Variants in ABCC1 observed in about 807,000 individuals in gnomAD.
The protein encoded by ABCC1 is ATP binding cassette subfamily C member 1 (ABCC1 blood group).
ABCC1 carries 83 observed loss-of-function variants against 172.9 expected under a neutral mutation model. The ratio of observed to expected loss-of-function variants is 0.48; its 90% CI spans 0.40 to 0.58. The LOEUF is 0.58. ABCC1 is among the 20% of genes least tolerant of loss of function. The pLI is 0.00. For synonymous variants in ABCC1, 937 were observed against 825.2 expected, an observed-to-expected ratio of 1.14 and a Z score of -2.32; for missense variants, 1,817 against 2,002.7, an observed-to-expected ratio of 0.91 and a Z score of 1.77.
At chr16:16,088,973 T>C (rs2051128138) in intron 18 of ABCC1, among the ~76,000 whole-genome samples, 1 of 152,198 alleles carries the variant, frequency 6.6e-6, no homozygotes, top group Admixed American at 6.5e-5. Flanking sequence ...CCTCCCAAAG[T>C]GCTGGGATTA....
At position 16,044,545 on chromosome 16, in the gene ABCC1, T is replaced by C. The variant is rs2049120340; in HGVS notation, c.905T>C (p.Val302Ala). The C allele has an allele frequency of 6.2e-7, 1 of 1,614,038 alleles. No individual in the cohort carries two copies. The highest frequency in any genetic ancestry group is 2.2e-5 in the East Asian group (1 of 44,888). ...AATGAGGAGGTGGAGGCTTTGATCGTCAAGTCCCCACAGAAGGAGTGGAAC... is the reference window on the plus strand; with the variant it reads ...AATGAGGAGGTGGAGGCTTTGATCGCCAAGTCCCCACAGAAGGAGTGGAAC... ...DANEEVEALI[V>A]KSPQKEWNPS... Residue 302 changes from valine (V) to alanine (A), a missense_variant, in exon 8 of 31, where the codon GTC becomes GCC. Physicochemically the swap from Val to Ala is moderately conservative, Grantham distance 64. Coordinates refer to ENST00000399410, the MANE Select transcript of ABCC1 (RefSeq NM_004996.4).
intron 1 of ABCC1, among the ~76,000 whole-genome samples, chr16:15,994,868 A>G (rs561546678): frequency 5.9e-5 from 9 of 151,512 alleles, no homozygotes; most frequent in African/African-American, 1.9e-4. Flanking sequence ...GGTTCAAGCA[A>G]TTCTCCTGCC....
At chr16:15,995,183 A>G (rs769700810) in intron 1 of ABCC1, among the ~76,000 whole-genome samples, 25 of 152,040 alleles carry the variant, frequency 1.6e-4, no homozygotes, top group Non-Finnish European at 2.9e-4. Flanking sequence ...CTTGCAGGTT[A>G]TATATGACCA....
chr16:16,079,516 C>CT lies in ABCC1; in HGVS notation c.2115+39dup, dbSNP rs1341626579. The CT allele has an allele frequency of 1.9e-6, 3 of 1,588,132 alleles. No homozygotes were observed. In the South Asian group the frequency reaches 3.3e-5, roughly 18 times the overall value. On this transcript the variant is annotated intron_variant, in intron 16 of 30. Coordinates refer to ENST00000399410, the MANE Select transcript of ABCC1 (RefSeq NM_004996.4). Reference sequence around the variant, plus strand: ...CCAGCGGGGAGGGGCAGTGGGGAAGCTGGTGGTCTGAGGAAAAGCTCAGAA... The same window carrying CT: ...CCAGCGGGGAGGGGCAGTGGGGAAGCTTGGTGGTCTGAGGAAAAGCTCAGAA...
intron 24 of ABCC1, among the ~76,000 whole-genome samples, chr16:16,123,523 A>T (rs552870983): frequency 1.1e-4 from 16 of 152,172 alleles, no homozygotes; most frequent in Admixed American, 1.0e-3. Flanking sequence ...TGTACTTGGG[A>T]GGCTGAGGCA....
chr16:16,079,283 G>A, intron 15 of ABCC1, 69 bp from the exon 16 acceptor site: 1 of 1,585,188 alleles, frequency 6.3e-7, no homozygotes. Flanking sequence ...TTGAGGCTCG[G>A]TGGCCATGGG....
intron 1 of ABCC1, among the ~76,000 whole-genome samples, chr16:15,975,200 A>G (rs772258490): frequency 6.6e-6 from 1 of 152,186 alleles, no homozygotes; most frequent in East Asian, 1.9e-4. Flanking sequence ...TGTAAGCCCC[A>G]TGGCTAGTGC....
intron 1 of ABCC1, among the ~76,000 whole-genome samples, chr16:15,959,957 T>G (rs1190920042): frequency 6.6e-6 from 1 of 152,144 alleles, no homozygotes; most frequent in Non-Finnish European, 1.5e-5. Context: ...TAATTGAGAT[T>G]TTTATGGAGC....
chr16:16,016,452 C>T (rs2048000544), intron 4 of ABCC1, 44 bp from the exon 5 acceptor site: 1 of 1,610,456 alleles, frequency 6.2e-7, no homozygotes. Flanking sequence ...CCACACCCAG[C>T]CCCAGAATGT....
At chr16:16,135,173 T>C (rs2045872936) in intron 28 of ABCC1, among the ~76,000 whole-genome samples, 1 of 152,198 alleles carries the variant, frequency 6.6e-6, no homozygotes, top group East Asian at 1.9e-4. Context: ...ATAAGACTTT[T>C]TAATTTTCGA....
chr16:16,034,069 TG>T (rs778982484), intron 6 of ABCC1, among the ~76,000 whole-genome samples: 7 of 138,066 alleles, frequency 5.1e-5, no homozygotes, highest in Non-Finnish European at 1.1e-4. Context: ...GCTCTGTCGC[TG>T]AGGCTGGAGT....
At chr16:15,981,610 C>T (rs117276719) in intron 1 of ABCC1, among the ~76,000 whole-genome samples, 3 of 152,160 alleles carry the variant, frequency 2.0e-5, no homozygotes, top group Non-Finnish European at 4.4e-5. Flanking sequence ...CAGCACACAG[C>T]AGGGGGGCCC....
chr16:16,052,078 A>T (rs2049453241), intron 10 of ABCC1, among the ~76,000 whole-genome samples: 1 of 152,158 alleles, frequency 6.6e-6, no homozygotes. Flanking sequence ...AAAAAATCAA[A>T]AAAATAGCTG....
intron 23 of ABCC1, among the ~76,000 whole-genome samples, 185 bp from the exon 24 acceptor site, chr16:16,121,790 G>C (rs45569038): frequency 1.3e-5 from 2 of 152,188 alleles, no homozygotes; most frequent in East Asian, 3.8e-4. Context: ...CACTGTCCTT[G>C]TCATTGGTGG....
chr16:16,079,222 T>A, intron 15 of ABCC1, 130 bp from the exon 16 acceptor site: 1 of 1,348,344 alleles, frequency 7.4e-7, no homozygotes, highest in Non-Finnish European at 1.0e-6. Flanking sequence ...AGGCCTTCAG[T>A]GTTTAGTACA....
chr16:16,084,762 A>G (rs1057212346), intron 17 of ABCC1, among the ~76,000 whole-genome samples: 2 of 151,970 alleles, frequency 1.3e-5, no homozygotes, highest in Non-Finnish European at 2.9e-5. Context: ...CTGGGACTAC[A>G]GGCCCCTGCC....
intron 1 of ABCC1, among the ~76,000 whole-genome samples, chr16:15,963,178 C>T (rs565239446): frequency 3.9e-5 from 6 of 152,382 alleles, no homozygotes; most frequent in African/African-American, 1.4e-4. Context: ...CCATAGTTAT[C>T]TCCTTTGACT....
intron 21 of ABCC1, among the ~76,000 whole-genome samples, chr16:16,110,635 C>T (rs1191160032): frequency 6.6e-6 from 1 of 152,176 alleles, no homozygotes; most frequent in Non-Finnish European, 1.5e-5. Flanking sequence ...GTAATCCACC[C>T]GCCTCGGCCT....
chr16:16,124,834 G>C lies in ABCC1; in HGVS notation c.3636G>C (p.Leu1212=), dbSNP rs987429826. The C allele has an allele frequency of 1.9e-6, 3 of 1,614,200 alleles. No homozygotes were observed. Among genetic ancestry groups the C allele is most frequent in the African/African-American group, 2.7e-5 (2 of 75,052 alleles). The part of the protein sequence containing the change: ...RLECVGNCIV[L]FAALFAVISR... The stretch of plus-strand genomic sequence containing the variant: ...AGTGTGTGGGCAACTGCATCGTTCT[G>C]TTTGCTGCCCTGTTTGCGGTGATCT... The change falls in exon 25 of 31, where the codon CTG becomes CTC. Residue 1212 remains leucine (L), a synonymous_variant. Transcript: ENST00000399410.
Sources: allele counts gnomAD v4.1 joint callset (sites outside exome capture counted in the v4.1 genomes callset), GRCh38; gene constraint gnomAD v4.1.1; transcripts MANE v1.5; gene names NCBI Gene and HGNC (gene_info 2026-07-23, HGNC 2026-07-21).